The following PTPRO variants were observed in gnomAD, a reference collection of about 807,000 sequenced individuals.
PTPRO encodes receptor-type tyrosine-protein phosphatase O.
PTPRO carries 62 observed loss-of-function variants against 145.2 expected under a neutral mutation model. The ratio of observed to expected loss-of-function variants is 0.43; its 90% CI spans 0.35 to 0.53. The LOEUF is 0.53. Ranked by LOEUF, PTPRO falls within the 20% of genes least tolerant of loss-of-function variation. The probability of loss-of-function intolerance (pLI) is 0.01; values close to 1 mark genes in which losing one functional copy is unlikely to be tolerated. For missense variants in PTPRO, 1,345 were observed against 1,482.7 expected, an observed-to-expected ratio of 0.91 and a Z score of 1.53; for synonymous variants, 565 against 514.7, an observed-to-expected ratio of 1.10 and a Z score of -1.32.
chr12:15,431,467 G>A (rs1484315932), intron 1 of PTPRO, among the ~76,000 whole-genome samples: 1 of 152,130 alleles, frequency 6.6e-6, no homozygotes, highest in Non-Finnish European at 1.5e-5. Flanking sequence ...CACATAAGGA[G>A]CCCTATTCAA....
intron 9 of PTPRO, among the ~76,000 whole-genome samples, chr12:15,518,894 C>T (rs1434953144): frequency 6.6e-6 from 1 of 152,198 alleles, no homozygotes; most frequent in Admixed American, 6.5e-5. Context: ...AACTTTCCCA[C>T]ATTTTACTGT....
Position 15,518,829 on chromosome 12 carries a change from A to G in PTPRO, c.1780-1372A>G, listed in dbSNP as rs139583371. ...CACCTCAGCCTAGATTTCATTGTCC[A>G]TATCATTATCAGCATTTTGGTCAAA... On this transcript the variant is annotated intron_variant, in intron 9 of 26. Coordinates refer to ENST00000281171, the MANE Select transcript of PTPRO (RefSeq NM_030667.3). 9.2e-5 allele frequency among the ~76,000 whole-genome samples: 14 copies of G among 152,308 alleles called. 1 individual carries two copies. The highest frequency in any genetic ancestry group is 2.1e-4 in the South Asian group (1 of 4,826).
rs147177160 is a variant in PTPRO at position 15,415,780 on chromosome 12, C to T, written c.76-68194C>T. ...TGTCTTTTTATCATTCTTTGAAAAA[C>T]GAGAAGTGTTTAGTTTGAAGTATCT... On this transcript the variant is annotated intron_variant, in intron 1 of 26. Coordinates refer to ENST00000281171, the MANE Select transcript of PTPRO (RefSeq NM_030667.3). Among the ~76,000 whole-genome samples the T allele has an allele frequency of 3.3e-5, 5 of 151,758 alleles. 1 individual carries two copies. The highest frequency in any genetic ancestry group is 9.7e-5 in the African/African-American group (4 of 41,106).
chr12:15,522,186 G>A (rs867319725), intron 10 of PTPRO, among the ~76,000 whole-genome samples: 20 of 151,136 alleles, frequency 1.3e-4, no homozygotes, highest in Admixed American at 2.6e-4. Flanking sequence ...ATAGATTATT[G>A]TCTTTTTTAT....
intron 10 of PTPRO, among the ~76,000 whole-genome samples, chr12:15,523,553 T>C (rs1423929172): frequency 6.6e-6 from 1 of 152,092 alleles, no homozygotes; most frequent in African/African-American, 2.4e-5. Context: ...GATGGGTGGA[T>C]TGCTTGAGCC....
intron 2 of PTPRO, among the ~76,000 whole-genome samples, chr12:15,494,200 T>C (rs1461401122): frequency 6.6e-6 from 1 of 152,190 alleles, no homozygotes; most frequent in Non-Finnish European, 1.5e-5. Flanking sequence ...TCTAATACTT[T>C]ATTTATTTGA....
At chr12:15,407,728 T>C (rs1230851904) in intron 1 of PTPRO, among the ~76,000 whole-genome samples, 6 of 152,144 alleles carry the variant, frequency 3.9e-5, no homozygotes, top group African/African-American at 9.7e-5. Flanking sequence ...TTGAGCAATA[T>C]AAAATTTTTA....
At chr12:15,554,473 A>G (rs1555087954) in intron 15 of PTPRO, among the ~76,000 whole-genome samples, 1 of 151,962 alleles carries the variant, frequency 6.6e-6, no homozygotes, top group Non-Finnish European at 1.5e-5. Context: ...ATGGGAGTTT[A>G]TTAAGTATTA....
chr12:15,330,988 T>C (rs560061380), intron 1 of PTPRO, among the ~76,000 whole-genome samples: 41 of 152,148 alleles, frequency 2.7e-4, no homozygotes, highest in African/African-American at 9.6e-4. Flanking sequence ...AAACAGGTAC[T>C]TGATATGAGT....
intron 23 of PTPRO, among the ~76,000 whole-genome samples, chr12:15,584,114 C>A (rs1184980606): frequency 6.6e-6 from 1 of 152,130 alleles, no homozygotes; most frequent in African/African-American, 2.4e-5. Flanking sequence ...CACAGCACAC[C>A]ATAGATAGTT....
rs186207783 is a variant in PTPRO at position 15,345,614 on chromosome 12, G to T, written c.75+22813G>T. Among the ~76,000 whole-genome samples, 4 of 152,018 alleles carry T rather than the reference G, an allele frequency of 2.6e-5. No individual in the cohort carries two copies. In the South Asian group the frequency reaches 8.3e-4, roughly 32 times the overall value. ...CACACACCGGGGCCTGTCGGGGGGT[G>T]GGGGGTTAGCATTAGGAGAAATACC... On this transcript the variant is annotated intron_variant, in intron 1 of 26. Coordinates refer to ENST00000281171, the MANE Select transcript of PTPRO (RefSeq NM_030667.3).
chr12:15,562,992 T>G (rs1198469315), intron 17 of PTPRO, among the ~76,000 whole-genome samples: 2 of 152,146 alleles, frequency 1.3e-5, no homozygotes, highest in African/African-American at 4.8e-5. Context: ...TTGGAGACTT[T>G]TAGAGTTTTG....
At chr12:15,514,684 CTTTA>C (rs988640899) in intron 7 of PTPRO, among the ~76,000 whole-genome samples, 12 of 151,946 alleles carry the variant, frequency 7.9e-5, no homozygotes, top group African/African-American at 2.9e-4. Context: ...TCTGGCTTTA[CTTTA>C]TTTATTAAAT....
At chr12:15,540,250 G>GACT (rs1943154493) in intron 12 of PTPRO, among the ~76,000 whole-genome samples, 1 of 152,152 alleles carries the variant, frequency 6.6e-6, no homozygotes, top group Admixed American at 6.5e-5. Flanking sequence ...TATACTATAT[G>GACT]ACTTACGCTG....
chr12:15,467,977 G>C (rs762261360), intron 1 of PTPRO, among the ~76,000 whole-genome samples: 8 of 152,128 alleles, frequency 5.3e-5, no homozygotes, highest in Non-Finnish European at 1.0e-4. Context: ...TCACCATCTG[G>C]ATGTTTCCAT....
At chr12:15,469,792 G>T (rs1941499630) in intron 1 of PTPRO, among the ~76,000 whole-genome samples, 1 of 133,974 alleles carries the variant, frequency 7.5e-6, no homozygotes. Context: ...AAAAAATACA[G>T]CTTCTAAAAT....
chr12:15,370,661 G>T (rs968166169), intron 1 of PTPRO, among the ~76,000 whole-genome samples: 1 of 151,856 alleles, frequency 6.6e-6, no homozygotes, highest in East Asian at 1.9e-4. Context: ...AAACATTTTT[G>T]CAAATCAATA....
intron 1 of PTPRO, among the ~76,000 whole-genome samples, chr12:15,382,650 T>G (rs145710966): frequency 6.6e-6 from 1 of 152,236 alleles, no homozygotes; most frequent in South Asian, 2.1e-4. Flanking sequence ...AGGCAATATA[T>G]TCATTTGTCA....
At chr12:15,445,952 G>A (rs974932844) in intron 1 of PTPRO, among the ~76,000 whole-genome samples, 1 of 152,042 alleles carries the variant, frequency 6.6e-6, no homozygotes, top group African/African-American at 2.4e-5. Flanking sequence ...TGCTTTTTAG[G>A]ATGCAGAGCA....
Sources: allele counts gnomAD v4.1 joint callset (sites outside exome capture counted in the v4.1 genomes callset), GRCh38; gene constraint gnomAD v4.1.1; transcripts MANE v1.5; gene names NCBI Gene and HGNC (gene_info 2026-07-23, HGNC 2026-07-21).